The following MFSD1 variants were observed in gnomAD, a reference collection of about 807,000 sequenced individuals.
MFSD1 encodes lysosomal dipeptide transporter MFSD1.
In MFSD1, 59 loss-of-function variants were observed where a neutral mutation model predicts 67.1. The ratio of observed to expected loss-of-function variants is 0.88; its 90% CI spans 0.71 to 1.09. MFSD1 has a LOEUF of 1.09. Among genes scored for constraint, MFSD1 ranks in the 50% least tolerant of loss-of-function variants. The pLI is 0.00. For synonymous variants in MFSD1, 213 were observed against 200.3 expected (o/e 1.06, Z -0.54); for missense variants, 552 against 566.1 (o/e 0.97, Z 0.25).
intron 7 of MFSD1, 47 bp from the exon 8 acceptor site, chr3:158,819,602 G>A (rs751496165): frequency 2.5e-5 from 28 of 1,124,354 alleles, no homozygotes; most frequent in Non-Finnish European, 3.3e-5. Context: ...CTTCTGTTTG[G>A]TTCTCTTTTC....
At chr3:158,821,370 T>C (rs1242308128) in intron 9 of MFSD1, among the ~76,000 whole-genome samples, 1 of 152,190 alleles carries the variant, frequency 6.6e-6, no homozygotes, top group Non-Finnish European at 1.5e-5. Context: ...TATTCCTTAC[T>C]GCATACCAGA....
intron 7 of MFSD1, among the ~76,000 whole-genome samples, chr3:158,815,900 G>A (rs1423542115): frequency 1.3e-5 from 2 of 151,420 alleles, no homozygotes; most frequent in Non-Finnish European, 2.9e-5. Flanking sequence ...GAGAACATGC[G>A]GTGTTTGGTT....
rs188245677 is a variant in MFSD1 at position 158,805,716 on chromosome 3, A to T, written c.329+242A>T. The stretch of plus-strand genomic sequence containing the variant: ...TAACTCAGTTATCCATAGGAAAATT[A>T]TACTCACCCTTGGGATCAGGTAAAC... On this transcript the variant is annotated intron_variant, in intron 3 of 15. Coordinates refer to ENST00000415822, the MANE Select transcript of MFSD1 (RefSeq NM_022736.4). Among the ~76,000 whole-genome samples the T allele has an allele frequency of 1.1e-4, 16 of 152,334 alleles. No individual in the cohort carries two copies. The East Asian group carries it at 3.1e-3, about 29-fold the overall frequency.
chr3:158,822,299 G>T, intron 11 of MFSD1, 159 bp downstream of exon 11: 1 of 477,072 alleles, frequency 2.1e-6, no homozygotes, highest in East Asian at 3.1e-5. Flanking sequence ...ATTTTTTAAA[G>T]TATAATTATG....
chr3:158,824,018 C>A, intron 12 of MFSD1, 106 bp from the exon 13 acceptor site: 1 of 833,286 alleles, frequency 1.2e-6, no homozygotes, highest in Non-Finnish European at 1.9e-6. Context: ...CATCTCTGAA[C>A]ACAAATAGTA....
chr3:158,813,071 G>T (rs1379618078), intron 6 of MFSD1, among the ~76,000 whole-genome samples: 1 of 149,298 alleles, frequency 6.7e-6, no homozygotes, highest in East Asian at 2.0e-4. Context: ...TTTTTTAAAA[G>T]TACTTGTCAA....
At chr3:158,822,341 C>A (rs563938671) in intron 11 of MFSD1, 125 of 349,756 alleles carry the variant, frequency 3.6e-4, no homozygotes, top group African/African-American at 2.3e-3. Context: ...CTTTTAATTT[C>A]ATTTGATTTA....
rs759351810 is a variant in MFSD1, at chr3:158,819,649, G to T, written c.653G>T (p.Gly218Val). 6.9e-7 allele frequency: 1 copy of T among 1,457,928 alleles called. No homozygotes were observed. The highest frequency in any genetic ancestry group is 9.4e-7 in the Non-Finnish European group (1 of 1,067,392). The allele number at this position is 1,457,928 out of a possible 1,614,324, so 90.3% of individuals were successfully genotyped here. A position where few individuals can be genotyped will look rare whatever the true frequency, so the allele number is the denominator to read the frequency against. ...HTTLGITLMI[G>V]GITCILSLIC... ...TTCTTTTTTTTTTTTTTTTATTTAG[G>T]GGGTATAACGTGTATTCTTTCACTA... Residue 218 changes from glycine (G) to valine (V), a missense_variant and splice_region_variant, in exon 8 of 16, where the codon GGG (glycine) becomes GTG (valine). Transcript: ENST00000415822.
rs184439209 is a variant in MFSD1 at position 158,825,524 on chromosome 3, A to G, written c.1289-491A>G. ...AAGGAAAAAGCCAAGGGAAAACTTG[A>G]ATTTTGAGGTCTTGATTGATTTGAG... On this transcript the variant is annotated intron_variant, in intron 13 of 15. Coordinates refer to ENST00000415822, the MANE Select transcript of MFSD1 (RefSeq NM_022736.4). 8.5e-5 allele frequency among the ~76,000 whole-genome samples: 13 copies of G among 152,362 alleles called. No homozygotes were observed. The East Asian group carries it at 1.7e-3, about 20-fold the overall frequency.
At chr3:158,810,089 A>G (rs1357044521) in intron 6 of MFSD1, among the ~76,000 whole-genome samples, 1 of 152,154 alleles carries the variant, frequency 6.6e-6, no homozygotes, top group Non-Finnish European at 1.5e-5. Flanking sequence ...CAGCAGTGCA[A>G]TCTTGGCTCA....
Position 158,826,009 on chromosome 3 carries a change from T to A in MFSD1, c.1289-6T>A. ...TTTTAAGGGCCCTATGTTTTTTCAC[T>A]CCTAGTGTCACTTTTATCTGTGGTC... On this transcript the variant is annotated splice_polypyrimidine_tract_variant and splice_region_variant and intron_variant, in intron 13 of 15. Transcript: ENST00000415822. The A allele has an allele frequency of 1.2e-6, 2 of 1,611,732 alleles. No homozygotes were observed. The highest frequency in any genetic ancestry group is 8.5e-7 in the Non-Finnish European group (1 of 1,177,896).
At chr3:158,820,181 T>C (rs1165556403) in intron 8 of MFSD1, 34 bp from the exon 9 acceptor site, 3 of 1,257,638 alleles carry the variant, frequency 2.4e-6, no homozygotes, top group Non-Finnish European at 3.5e-6. Context: ...GTATGCAAAA[T>C]TATGCTGATA....
intron 5 of MFSD1, among the ~76,000 whole-genome samples, chr3:158,808,830 A>G (rs924324662): frequency 3.9e-5 from 6 of 152,086 alleles, no homozygotes; most frequent in African/African-American, 1.4e-4. Flanking sequence ...TGGCACCTGG[A>G]CTGGGATGCC....
chr3:158,808,667 A>G (rs896769039), intron 5 of MFSD1, among the ~76,000 whole-genome samples: 2 of 152,222 alleles, frequency 1.3e-5, no homozygotes, highest in East Asian at 1.9e-4. Context: ...TAAAACTACC[A>G]TTTCATTATG....
chr3:158,827,464 G>C, intron 15 of MFSD1, 127 bp downstream of exon 15: 1 of 530,474 alleles, frequency 1.9e-6, no homozygotes, highest in South Asian at 2.8e-5. Context: ...GTCCAGGCTG[G>C]AGTGTAGTGG....
chr3:158,812,735 A>G (rs1478844968), intron 6 of MFSD1, among the ~76,000 whole-genome samples: 1 of 151,846 alleles, frequency 6.6e-6, no homozygotes, highest in Admixed American at 6.6e-5. Flanking sequence ...CTATACTCAA[A>G]CCCCAATGGC....
At chr3:158,823,836 A>AC (rs1348876080) in intron 12 of MFSD1, among the ~76,000 whole-genome samples, 1 of 152,146 alleles carries the variant, frequency 6.6e-6, no homozygotes, top group Non-Finnish European at 1.5e-5. Flanking sequence ...GAGGGGGGAA[A>AC]CCGCACCTGT....
intron 13 of MFSD1, 145 bp from the exon 14 acceptor site, chr3:158,825,870 T>A (rs1278343948): frequency 7.4e-6 from 5 of 677,440 alleles, no homozygotes; most frequent in Non-Finnish European, 1.3e-5. Flanking sequence ...TTTTGGAAAA[T>A]AAAATAATGG....
chr3:158,810,314 AAAAATTTTT>A (rs1216811025), intron 6 of MFSD1, among the ~76,000 whole-genome samples: 1 of 152,216 alleles, frequency 6.6e-6, no homozygotes, highest in Non-Finnish European at 1.5e-5. Context: ...AGTATTAAAA[AAAAATTTTT>A]TTTGCCACTA....
Sources: gnomAD v4.1 joint callset for allele counts (sites outside exome capture counted in the v4.1 genomes callset) on GRCh38, gnomAD v4.1.1 for gene constraint, MANE v1.5 for transcripts, NCBI Gene and HGNC (gene_info 2026-07-23, HGNC 2026-07-21) for gene names.